Variants in SLC4A11 observed in about 807,000 individuals in gnomAD.
The protein encoded by SLC4A11 is bicarbonate transporter related protein 1.
In SLC4A11, 74 loss-of-function variants were observed where a neutral mutation model predicts 95.0. The observed-to-expected ratio is 0.78, with a 90% CI of 0.65 to 0.95. The LOEUF is 0.95. Among genes scored for constraint, SLC4A11 ranks in the 40% least tolerant of loss-of-function variants. The pLI is 0.00. For missense variants in SLC4A11, 1,081 were observed against 1,192.4 expected (o/e 0.91, Z 1.38); for synonymous variants, 548 against 519.0 (o/e 1.06, Z -0.76).
At chr20:3,229,825 G>A (rs1354903775) in intron 13 of SLC4A11, 49 bp from the exon 14 acceptor site, 3 of 1,612,730 alleles carry the variant, frequency 1.9e-6, no homozygotes, top group Non-Finnish European at 2.5e-6. Context: ...GTGTGGCAGG[G>A]GGAGGCCCTG....
chr20:3,228,153 C>CCCA, intron 19 of SLC4A11, 106 bp downstream of exon 19: 2 of 1,017,538 alleles, frequency 2.0e-6, no homozygotes, highest in Non-Finnish European at 3.0e-6. Flanking sequence ...CCAACCCGCC[C>CCCA]ATTCTCCGCC....
chr20:3,229,323 C>G, intron 15 of SLC4A11, 23 bp downstream of exon 15: 1 of 1,613,122 alleles, frequency 6.2e-7, no homozygotes, highest in Non-Finnish European at 8.5e-7. Context: ...CCCCACGTCA[C>G]CCACCGCCCG....
chr20:3,237,625 C>A, intron 1 of SLC4A11, 37 bp from the exon 2 acceptor site: 2 of 1,614,056 alleles, frequency 1.2e-6, no homozygotes, highest in Non-Finnish European at 1.7e-6. Context: ...GCCCCATGGA[C>A]CAAGCCCTGG....
intron 1 of SLC4A11, 30 bp downstream of exon 1, chr20:3,239,056 GGCGGCCTTC>G (rs1182129144): frequency 6.8e-7 from 1 of 1,470,388 alleles, no homozygotes; most frequent in African/African-American, 1.5e-5. Flanking sequence ...CGGAGACCCG[GGCGGCCTTC>G]CCGCCGCGCC....
In SLC4A11 at chr20:3,227,590, A is replaced by G; in HGVS notation, c.*197T>C. On this transcript the variant is annotated 3_prime_UTR_variant, in exon 20 of 20. Coordinates refer to ENST00000642402, the MANE Select transcript of SLC4A11 (RefSeq NM_001174089.2). ...GCCCTGAGCAACGCTCTTGGCCTAA[A>G]GCTAAAGGATAATGGGAGAGGGGTG... 1 of 639,052 alleles carries G rather than the reference A, an allele frequency of 1.6e-6. No homozygotes were observed. 39.6% of individuals were successfully genotyped at this position (639,052 alleles called of 1,614,324 possible).
chr20:3,233,491 A>G, intron 7 of SLC4A11, 23 bp downstream of exon 7: 1 of 1,613,022 alleles, frequency 6.2e-7, no homozygotes, highest in Non-Finnish European at 8.5e-7. Flanking sequence ...CTTCTTCCCC[A>G]GGACACGGCA....
At position 3,234,043 on chromosome 20, in the gene SLC4A11, C is replaced by A. The variant is rs774796223; in HGVS notation, c.523+40G>T. ...GGGGGAGGGTGGTGGGTCAACAGCCCCTCCCAACGCCCCCGCCCGGGCCGG... is the reference window on the plus strand; with the variant it reads ...GGGGGAGGGTGGTGGGTCAACAGCCACTCCCAACGCCCCCGCCCGGGCCGG... On this transcript the variant is annotated intron_variant, in intron 5 of 19. Transcript: ENST00000642402. The surrounding 1 kb of genome is among the most constrained non-coding windows in gnomAD (Gnocchi z 5.8). 1.2e-5 allele frequency: 20 copies of A among 1,613,676 alleles called. No individual in the cohort carries two copies. Among genetic ancestry groups the A allele is most frequent in the Non-Finnish European group, 1.5e-5 (18 of 1,179,896 alleles).
At chr20:3,236,612 C>G (rs1197656704) in intron 2 of SLC4A11, among the ~76,000 whole-genome samples, 1 of 119,540 alleles carries the variant, frequency 8.4e-6, no homozygotes, top group African/African-American at 3.3e-5. Flanking sequence ...CAAAACAAAA[C>G]AAAAGACGTC....
chr20:3,231,683 TCTCA>T lies in SLC4A11; in HGVS notation c.730-139_730-136del. The T allele has an allele frequency of 1.3e-6, 1 of 790,114 alleles. No individual in the cohort carries two copies. Among genetic ancestry groups the T allele is most frequent in the East Asian group, 2.7e-5 (1 of 37,364 alleles). The allele number at this position is 790,114 out of a possible 1,614,324, so 48.9% of individuals were successfully genotyped here. A position where few individuals can be genotyped will look rare whatever the true frequency, so the allele number is the denominator to read the frequency against. The stretch of plus-strand genomic sequence containing the variant: ...TTTTTTGTGTTTTTTTGAGACAGGG[TCTCA>T]CTGTCACCCAGGCTGAGTGCAGTGG... On this transcript the variant is annotated intron_variant, in intron 7 of 19. Transcript: ENST00000642402. This position sits in a 1 kb window ranked among gnomAD's most constrained non-coding sequence, Gnocchi z 5.2.
intron 19 of SLC4A11, 78 bp downstream of exon 19, chr20:3,228,181 C>T: frequency 2.0e-6 from 3 of 1,503,062 alleles, no homozygotes; most frequent in African/African-American, 1.4e-5. Context: ...GGGACCCCTC[C>T]TCCCAGCCGC....
chr20:3,236,240 CAA>C (rs1345539783), intron 2 of SLC4A11, among the ~76,000 whole-genome samples: 1 of 152,188 alleles, frequency 6.6e-6, no homozygotes, highest in Non-Finnish European at 1.5e-5. Flanking sequence ...CCTCCTGCAT[CAA>C]AGTCCCCAGG....
At chr20:3,237,822 T>TTA in intron 1 of SLC4A11, 7 of 1,569,142 alleles carry the variant, frequency 4.5e-6, no homozygotes, top group Non-Finnish European at 6.0e-6. Context: ...TGCTAGGGGC[T>TTA]GCCCAGGCGG....
chr20:3,228,707 C>G lies in SLC4A11; in HGVS notation c.2193G>C (p.Thr731=), dbSNP rs149912717. Residue 731 remains threonine, a splice_region_variant and synonymous_variant, in exon 18 of 20, where the codon ACG becomes ACC. Transcript: ENST00000642402. Reference sequence around the variant, plus strand: ...GCCGCGTCTCCTTCACGTTCACAATCCTGCGGTGGCCCGAGCCGCGAGTGT... The same window carrying G: ...GCCGCGTCTCCTTCACGTTCACAATGCTGCGGTGGCCCGAGCCGCGAGTGT... ...ERVENGHIYD[T]IVNVKETRLT... 1.7e-3 allele frequency: 2,719 copies of G among 1,612,706 alleles called. 5 individuals carry two copies. Among genetic ancestry groups the G allele is most frequent in the South Asian group, 3.9e-3 (351 of 91,060 alleles).
At chr20:3,237,384 G>A (rs1156279139) in intron 2 of SLC4A11, among the ~76,000 whole-genome samples, 160 bp downstream of exon 2, 1 of 152,190 alleles carries the variant, frequency 6.6e-6, no homozygotes, top group African/African-American at 2.4e-5. Flanking sequence ...ATCCGCCCAT[G>A]TCTAGCTTCC....
chr20:3,235,353 A>G (rs889057530), intron 2 of SLC4A11, among the ~76,000 whole-genome samples: 2 of 137,164 alleles, frequency 1.5e-5, no homozygotes. Context: ...ACACACACAC[A>G]CGCTGCCTTG....
Position 3,234,636 on chromosome 20 carries a change from G to A in SLC4A11, c.242-19C>T, listed in dbSNP as rs1324904404. 8.7e-6 allele frequency: 14 copies of A among 1,613,920 alleles called. No individual in the cohort carries two copies. Among genetic ancestry groups the A allele is most frequent in the Non-Finnish European group, 1.1e-5 (13 of 1,180,016 alleles). ...TCATTCTCTGCCGGAGAAAAGCGGG[G>A]AGGGCTCAGGGTGCCACCCTCTCCT... On this transcript the variant is annotated intron_variant, in intron 3 of 19. Transcript: ENST00000642402. This position sits in a 1 kb window ranked among gnomAD's most constrained non-coding sequence, Gnocchi z 5.8.
chr20:3,228,191 C>A, intron 19 of SLC4A11, 68 bp downstream of exon 19: 1 of 1,561,324 alleles, frequency 6.4e-7, no homozygotes, highest in South Asian at 1.1e-5. Flanking sequence ...CTCCCAGCCG[C>A]TGCCCCAGCC....
chr20:3,232,448 C>A (rs1332665787), intron 7 of SLC4A11, among the ~76,000 whole-genome samples: 1 of 152,244 alleles, frequency 6.6e-6, no homozygotes, highest in Non-Finnish European at 1.5e-5. Context: ...GCCCATAATA[C>A]CAACTTTTTT....
At chr20:3,228,797 C>T (rs2067636670) in intron 17 of SLC4A11, 41 bp downstream of exon 17, 1 of 1,613,340 alleles carries the variant, frequency 6.2e-7, no homozygotes, top group South Asian at 1.1e-5. Flanking sequence ...AGAGGCTCCC[C>T]ACTCCTCAGG....
Sources: allele counts gnomAD v4.1 joint callset (sites outside exome capture counted in the v4.1 genomes callset), GRCh38; gene constraint gnomAD v4.1.1; non-coding constraint Gnocchi (gnomAD v3.1); transcripts MANE v1.5; gene names NCBI Gene and HGNC (gene_info 2026-07-23, HGNC 2026-07-21).